CUL1: variants seen among roughly 807,000 people sequenced by gnomAD.
CUL1 encodes the protein cullin-1.
Under a neutral mutation model 118.0 loss-of-function variants are expected in CUL1, and 24 were observed. The observed-to-expected ratio is 0.20, with a 90% CI of 0.15 to 0.29. The LOEUF (loss-of-function observed/expected upper bound fraction) is 0.29. CUL1 is among the 10% of genes least tolerant of loss of function. The probability of loss-of-function intolerance (pLI) is 1.00; values close to 1 mark genes in which losing one functional copy is unlikely to be tolerated. For missense variants in CUL1, 361 were observed against 933.8 expected, an observed-to-expected ratio of 0.39 and a Z score of 7.99; for synonymous variants, 332 against 340.4, an observed-to-expected ratio of 0.98 and a Z score of 0.27.
At chr7:148,745,133 G>A (rs1490082898) in intron 2 of CUL1, among the ~76,000 whole-genome samples, 1 of 151,914 alleles carries the variant, frequency 6.6e-6, no homozygotes, top group Non-Finnish European at 1.5e-5. Context: ...TTATTTTGCT[G>A]TCAAGACCAT....
chr7:148,715,982 T>C (rs571097565), intron 1 of CUL1, among the ~76,000 whole-genome samples: 3 of 152,350 alleles, frequency 2.0e-5, no homozygotes, highest in East Asian at 1.9e-4. Context: ...AATACACTTA[T>C]ATGTCTGGAT....
chr7:148,751,042 A>G (rs1563158831), intron 2 of CUL1, among the ~76,000 whole-genome samples: 1 of 152,052 alleles, frequency 6.6e-6, no homozygotes, highest in Non-Finnish European at 1.5e-5. Context: ...TATTAAAACC[A>G]TAATAAACCA....
intron 7 of CUL1, among the ~76,000 whole-genome samples, chr7:148,763,680 T>C (rs1319346968): frequency 6.6e-6 from 1 of 152,244 alleles, no homozygotes; most frequent in East Asian, 1.9e-4. Context: ...AAAGCTAATG[T>C]ATTTGGTATT....
chr7:148,797,728 A>G (rs1801254097), intron 17 of CUL1, 84 bp from the exon 18 acceptor site: 2 of 926,900 alleles, frequency 2.2e-6, no homozygotes, highest in Non-Finnish European at 1.7e-6. Context: ...TTAATGGAAA[A>G]TGGACTGTGA....
At chr7:148,758,540 C>A (rs1247389138) in intron 4 of CUL1, among the ~76,000 whole-genome samples, 1 of 152,040 alleles carries the variant, frequency 6.6e-6, no homozygotes, top group South Asian at 2.1e-4. Flanking sequence ...TCACTTGAGC[C>A]CAGGAGGTGG....
intron 1 of CUL1, among the ~76,000 whole-genome samples, chr7:148,708,529 G>C (rs577248509): frequency 6.6e-6 from 1 of 152,216 alleles, no homozygotes; most frequent in Non-Finnish European, 1.5e-5. Context: ...TTCAGGACTT[G>C]CCTGGCTTCC....
chr7:148,703,871 G>C (rs1797798839), intron 1 of CUL1, among the ~76,000 whole-genome samples: 1 of 152,068 alleles, frequency 6.6e-6, no homozygotes, highest in Admixed American at 6.6e-5. Context: ...GTCATTTTAG[G>C]GGGGTAAGCT....
intron 9 of CUL1, among the ~76,000 whole-genome samples, chr7:148,776,612 C>T (rs1033985003): frequency 2.0e-5 from 3 of 151,890 alleles, no homozygotes; most frequent in African/African-American, 7.3e-5. Context: ...CCACCACGTC[C>T]GGCCGAGGCT....
At chr7:148,776,158 C>T (rs867228662) in intron 9 of CUL1, among the ~76,000 whole-genome samples, 22 of 124,318 alleles carry the variant, frequency 1.8e-4, no homozygotes, top group South Asian at 2.6e-4. Context: ...TACTTTCAGA[C>T]GTAAATTACT....
intron 2 of CUL1, 69 bp downstream of exon 2, chr7:148,730,331 A>G (rs1798717960): frequency 6.8e-7 from 1 of 1,470,552 alleles, no homozygotes. Flanking sequence ...CTTATGAATT[A>G]TTAGAATTTT....
intron 5 of CUL1, 27 bp downstream of exon 5, chr7:148,759,381 G>A (rs1300337065): frequency 6.2e-7 from 1 of 1,611,862 alleles, no homozygotes; most frequent in Admixed American, 1.7e-5. Flanking sequence ...GCGTGTGCAT[G>A]TTCCTTTTAA....
At chr7:148,772,141 G>A (rs547746183) in intron 9 of CUL1, among the ~76,000 whole-genome samples, 4 of 152,270 alleles carry the variant, frequency 2.6e-5, no homozygotes, top group South Asian at 4.1e-4. Context: ...AGGTCCGGGC[G>A]CAGTGGCTCA....
At chr7:148,737,453 AC>A (rs1456095991) in intron 2 of CUL1, among the ~76,000 whole-genome samples, 3 of 151,872 alleles carry the variant, frequency 2.0e-5, no homozygotes, top group Non-Finnish European at 4.4e-5. Context: ...TTTTATAACT[AC>A]AGACGGATTA....
At chr7:148,745,082 G>T in intron 2 of CUL1, among the ~76,000 whole-genome samples, 1 of 151,870 alleles carries the variant, frequency 6.6e-6, no homozygotes, top group East Asian at 1.9e-4. Flanking sequence ...CTCAAGAGTT[G>T]ATCGTTTCTG....
intron 1 of CUL1, among the ~76,000 whole-genome samples, chr7:148,715,312 C>T (rs1333078562): frequency 6.6e-6 from 1 of 152,128 alleles, no homozygotes; most frequent in East Asian, 1.9e-4. Flanking sequence ...TTGAGCGAGT[C>T]GTTTCCATTT....
chr7:148,756,792 A>G (rs1289888528), intron 3 of CUL1, among the ~76,000 whole-genome samples, 191 bp from the exon 4 acceptor site: 2 of 152,244 alleles, frequency 1.3e-5, no homozygotes, highest in Non-Finnish European at 2.9e-5. Context: ...ATTTGAGATG[A>G]AAGAATTATT....
chr7:148,726,385 C>G (rs1253868278), intron 1 of CUL1, among the ~76,000 whole-genome samples: 1 of 149,098 alleles, frequency 6.7e-6, no homozygotes. Flanking sequence ...AAAAGTCAAG[C>G]TTTAAAAAAA....
intron 1 of CUL1, among the ~76,000 whole-genome samples, chr7:148,705,862 T>G (rs1233787899): frequency 6.6e-6 from 1 of 152,258 alleles, no homozygotes; most frequent in Non-Finnish European, 1.5e-5. Flanking sequence ...TTCTGACTTC[T>G]CTCATTTTAA....
intron 9 of CUL1, among the ~76,000 whole-genome samples, chr7:148,771,988 T>C (rs1322266588): frequency 6.6e-6 from 1 of 152,178 alleles, no homozygotes; most frequent in Non-Finnish European, 1.5e-5. Flanking sequence ...TTTTTCTTAT[T>C]TGACCAAAGC....
Sources: gnomAD v4.1 joint callset for allele counts (sites outside exome capture counted in the v4.1 genomes callset) on GRCh38, gnomAD v4.1.1 for gene constraint, MANE v1.5 for transcripts, NCBI Gene and HGNC (gene_info 2026-07-23, HGNC 2026-07-21) for gene names.